Variants in IKZF1 observed in about 807,000 individuals in gnomAD.
IKZF1 encodes DNA-binding protein Ikaros.
A neutral mutation model predicts 51.7 loss-of-function variants in IKZF1; 10 were observed. The observed-to-expected ratio is 0.19, with a 90% CI of 0.12 to 0.33. The LOEUF (loss-of-function observed/expected upper bound fraction) is 0.33, where lower values mean the gene tolerates loss of function less well. IKZF1 is among the 10% of genes least tolerant of loss of function. The pLI is 1.00. For missense variants in IKZF1, 484 were observed against 707.5 expected (o/e 0.68, Z 3.58); for synonymous variants, 280 against 282.3 (o/e 0.99, Z 0.08).
intron 2 of IKZF1, among the ~76,000 whole-genome samples, chr7:50,321,414 A>T (rs1793257080): frequency 6.6e-6 from 1 of 152,220 alleles, no homozygotes; most frequent in Non-Finnish European, 1.5e-5. Flanking sequence ...TGAGGACTGT[A>T]ATCCTCACTC....
chr7:50,368,797 C>T (rs1287626126), intron 3 of IKZF1: 1 of 230,228 alleles, frequency 4.3e-6, no homozygotes, highest in Non-Finnish European at 8.6e-6. Context: ...TTGATAATCC[C>T]CTTAGGACCT....
intron 3 of IKZF1, among the ~76,000 whole-genome samples, chr7:50,333,240 A>G (rs1040985137): frequency 1.1e-4 from 17 of 150,866 alleles, no homozygotes; most frequent in Non-Finnish European, 2.5e-4. Flanking sequence ...TGGGAATTGT[A>G]AGAGGATTAC....
At chr7:50,366,263 A>T (rs899094380) in intron 3 of IKZF1, among the ~76,000 whole-genome samples, 6 of 151,478 alleles carry the variant, frequency 4.0e-5, no homozygotes, top group East Asian at 1.9e-4. Context: ...AAGTTAAATT[A>T]AAAAAAAATT....
intron 3 of IKZF1, chr7:50,369,703 C>T: frequency 2.5e-6 from 1 of 396,792 alleles, no homozygotes; most frequent in South Asian, 1.4e-4. Flanking sequence ...CCTTTCACCC[C>T]CTCTACTGTC....
At chr7:50,368,963 G>T (rs977407119) in intron 3 of IKZF1, 4 of 222,188 alleles carry the variant, frequency 1.8e-5, no homozygotes, top group Non-Finnish European at 3.6e-5. Context: ...ACTATCTGGT[G>T]TCTAAGGAAT....
intron 3 of IKZF1, among the ~76,000 whole-genome samples, chr7:50,349,718 A>G (rs1250397702): frequency 2.0e-5 from 3 of 152,098 alleles, no homozygotes; most frequent in African/African-American, 7.2e-5. Flanking sequence ...GGGGTAACTT[A>G]CCCCAAAATG....
chr7:50,359,846 G>A (rs1467679264), intron 3 of IKZF1, among the ~76,000 whole-genome samples: 2 of 152,200 alleles, frequency 1.3e-5, no homozygotes, highest in Non-Finnish European at 2.9e-5. Flanking sequence ...TCATGCCTGA[G>A]AAATCCACTT....
rs548009158 is a variant in IKZF1 at position 50,368,415 on chromosome 7, A to G, written c.161-8118A>G. ...GGATAAAATGGCCATATTTTCTGTC[A>G]CCAACAAAGAACTGAACATGGTTTC... On this transcript the variant is annotated intron_variant, in intron 3 of 7. Transcript: ENST00000331340. 205 of 638,906 alleles carry G rather than the reference A, an allele frequency of 3.2e-4. No individual in the cohort carries two copies. The African/African-American group carries it at 3.3e-3, about 10-fold the overall frequency. The allele number at this position is 638,906 out of a possible 1,614,324, so 39.6% of individuals were successfully genotyped here.
intron 3 of IKZF1, among the ~76,000 whole-genome samples, chr7:50,331,375 CA>C (rs1796408621): frequency 6.7e-6 from 1 of 148,202 alleles, no homozygotes; most frequent in Non-Finnish European, 1.5e-5. Flanking sequence ...CCACCTGACT[CA>C]AGTTCAAGTC....
At chr7:50,329,777 T>C (rs1796026162) in intron 3 of IKZF1, among the ~76,000 whole-genome samples, 2 of 152,140 alleles carry the variant, frequency 1.3e-5, no homozygotes, top group Non-Finnish European at 2.9e-5. Flanking sequence ...ATTAACCATG[T>C]AAATGAACAG....
chr7:50,345,232 G>T (rs1386149646), intron 3 of IKZF1, among the ~76,000 whole-genome samples: 2 of 152,014 alleles, frequency 1.3e-5, no homozygotes, highest in African/African-American at 4.8e-5. Context: ...ATATTCATGG[G>T]TATATACTAT....
In IKZF1 at chr7:50,401,758, G is replaced by C. The variant is rs760545606; in HGVS notation, c.*1131G>C. 4.6e-6 allele frequency: 1 copy of C among 219,386 alleles called. No homozygotes were observed. Among genetic ancestry groups the C allele is most frequent in the African/African-American group, 2.2e-5 (1 of 44,504 alleles). 13.6% of individuals were successfully genotyped at this position (219,386 alleles called of 1,614,324 possible). A position where few individuals can be genotyped will look rare whatever the true frequency, so the allele number is the denominator to read the frequency against. On this transcript the variant is annotated 3_prime_UTR_variant, in exon 8 of 8. Coordinates refer to ENST00000331340, the MANE Select transcript of IKZF1 (RefSeq NM_006060.6). ...TTATTCTCGTTTTAAAACCCATAAA[G>C]GAGTGATTTAGAACAGTCATTAATT...
chr7:50,326,198 A>G (rs1191547373), intron 2 of IKZF1, among the ~76,000 whole-genome samples: 1 of 152,258 alleles, frequency 6.6e-6, no homozygotes, highest in East Asian at 1.9e-4. Context: ...AGGTTTATTC[A>G]AACAAACAAG....
At chr7:50,327,532 A>G (rs1795341582) in intron 2 of IKZF1, 106 bp from the exon 3 acceptor site, 15 of 1,369,520 alleles carry the variant, frequency 1.1e-5, no homozygotes, top group Non-Finnish European at 1.2e-5. Flanking sequence ...CACTGGCTCC[A>G]CCCAGTACCT....
rs1210674442 is a variant in IKZF1 at position 50,395,023 on chromosome 7, A to T, written c.850+3160A>T. 2.0e-5 allele frequency among the ~76,000 whole-genome samples: 3 copies of T among 152,364 alleles called. No homozygotes were observed. In the East Asian group the frequency reaches 5.8e-4, roughly 29 times the overall value. ...AATATTCCTGCTACCCATTATAATTATCTAGGTATATTTTCTTCTTTTGTA... is the reference window on the plus strand; with the variant it reads ...AATATTCCTGCTACCCATTATAATTTTCTAGGTATATTTTCTTCTTTTGTA... On this transcript the variant is annotated intron_variant, in intron 7 of 7. Coordinates refer to ENST00000331340, the MANE Select transcript of IKZF1 (RefSeq NM_006060.6).
intron 3 of IKZF1, chr7:50,328,017 T>A (rs1202889431): frequency 2.3e-6 from 1 of 432,202 alleles, no homozygotes; most frequent in African/African-American, 2.0e-5. Context: ...CAGGGACGCG[T>A]CTCTGTCACT....
At chr7:50,369,682 T>A (rs192212327) in intron 3 of IKZF1, 1 of 397,704 alleles carries the variant, frequency 2.5e-6, no homozygotes, top group East Asian at 3.6e-5. Context: ...TCTTGAAAAT[T>A]AAAAACAACC....
rs144637662 is a variant in IKZF1, at chr7:50,376,578, G to A, written c.206G>A (p.Arg69His). 5.7e-5 allele frequency: 92 copies of A among 1,613,952 alleles called. 1 individual carries two copies. In the South Asian group the frequency reaches 7.9e-4, roughly 14 times the overall value. The change falls in exon 4 of 8, where the codon CGT (arginine) becomes CAT (histidine). Residue 69 changes from arginine to histidine, a missense_variant. This residue lies in a region of IKZF1 where 118 missense variants were observed against 138.4 expected (regional missense o/e 0.85). Coordinates refer to ENST00000331340, the MANE Select transcript of IKZF1 (RefSeq NM_006060.6). This position sits in a 1 kb window ranked among gnomAD's most constrained non-coding sequence, Gnocchi z 4.5. ...ACTCAGAGTGATGAAGAGAATGGGC[G>A]TGCCTGTGAAATGAATGGGGAAGAA... ...VETQSDEENG[R>H]ACEMNGEECA... is the part of the protein sequence containing the mutation.
At chr7:50,378,916 GT>G (rs1278020333) in intron 4 of IKZF1, among the ~76,000 whole-genome samples, 4 of 152,306 alleles carry the variant, frequency 2.6e-5, no homozygotes, top group African/African-American at 9.6e-5. Flanking sequence ...GAAATACCTG[GT>G]TTGGCCAAAC....
Sources: allele counts gnomAD v4.1 joint callset (sites outside exome capture counted in the v4.1 genomes callset), GRCh38; gene constraint gnomAD v4.1.1; regional missense constraint gnomAD v4.1.1; non-coding constraint Gnocchi (gnomAD v3.1); transcripts MANE v1.5; gene names NCBI Gene and HGNC (gene_info 2026-07-23, HGNC 2026-07-21).